Variants in TTYH1 observed in about 807,000 individuals in gnomAD.
TTYH1 encodes the protein tweety family member 1.
A neutral mutation model predicts 61.2 loss-of-function variants in TTYH1; 33 were observed. That is an observed-to-expected ratio of 0.54 (90% CI 0.41 to 0.72). TTYH1 has a LOEUF of 0.72. TTYH1 is among the 30% of genes least tolerant of loss of function. The pLI, the probability that TTYH1 is intolerant of heterozygous loss-of-function variation, is 0.00. For missense variants in TTYH1, 538 were observed against 575.8 expected (o/e 0.93, Z 0.67); for synonymous variants, 308 against 266.4 (o/e 1.16, Z -1.52).
In TTYH1 at chr19:54,431,192, G is replaced by A. The variant is rs2122937574; in HGVS notation, c.1125+1G>A. 1 of 1,611,408 alleles carries A rather than the reference G, an allele frequency of 6.2e-7. No homozygotes were observed. The highest frequency in any genetic ancestry group is 8.5e-7 in the Non-Finnish European group (1 of 1,177,722). On this transcript the variant is annotated splice_donor_variant, in intron 10 of 13. Coordinates refer to ENST00000376530, the MANE Select transcript of TTYH1 (RefSeq NM_020659.4). LOFTEE classifies it high-confidence loss of function. ...GCTACACTGCCGCAGCCTGCACAAG[G>A]TGAAGCCCCTCCCCTCCCAATTTCT...
At chr19:54,426,816 G>C (rs775480081) in intron 5 of TTYH1, 48 bp downstream of exon 5, 7 of 1,542,148 alleles carry the variant, frequency 4.5e-6, no homozygotes, top group Middle Eastern at 1.7e-4. Flanking sequence ...GCACTCTCCT[G>C]GCAGGCAGGA....
rs1336930813 is a variant in TTYH1 at position 54,434,589 on chromosome 19, G to T, written c.1126-953G>T. On this transcript the variant is annotated intron_variant, in intron 10 of 13. Transcript: ENST00000376530. The surrounding 1 kb of genome is among the most constrained non-coding windows in gnomAD (Gnocchi z 4.3). Reference sequence around the variant, plus strand: ...CTGTTTACCGAAGTTTCCTGGTACTGGGGGCAGCGCCTGGGGCAGAGCAGG... The same window carrying T: ...CTGTTTACCGAAGTTTCCTGGTACTTGGGGCAGCGCCTGGGGCAGAGCAGG... The T allele has an allele frequency of 6.6e-6, 1 of 152,492 alleles. No homozygotes were observed. Among genetic ancestry groups the T allele is most frequent in the Non-Finnish European group, 1.5e-5 (1 of 68,262 alleles). 9.4% of individuals were successfully genotyped at this position (152,492 alleles called of 1,614,324 possible).
intron 10 of TTYH1, chr19:54,433,503 T>C (rs958233561): frequency 6.9e-6 from 1 of 145,134 alleles, no homozygotes; most frequent in African/African-American, 2.6e-5. Context: ...GAGGTTGCAG[T>C]GAGCTGAGAT....
chr19:54,428,210 C>T (rs1445288667), intron 5 of TTYH1, among the ~76,000 whole-genome samples: 1 of 151,296 alleles, frequency 6.6e-6, no homozygotes, highest in Non-Finnish European at 1.5e-5. Flanking sequence ...CTGCTTCAGC[C>T]TCCCAAGTAG....
chr19:54,427,250 TC>T, intron 5 of TTYH1, among the ~76,000 whole-genome samples: 1 of 126,160 alleles, frequency 7.9e-6, no homozygotes, highest in African/African-American at 3.2e-5. Flanking sequence ...TGAGCCAAGA[TC>T]ACACACCATT....
chr19:54,435,771 C>T, intron 11 of TTYH1, 57 bp from the exon 12 acceptor site: 1 of 1,612,912 alleles, frequency 6.2e-7, no homozygotes, highest in Non-Finnish European at 8.5e-7. Context: ...GTGGGGGGTG[C>T]AGCCTCCTGA....
rs1365171529 is a variant in TTYH1 at position 54,416,764 on chromosome 19, G to GGGAC, written c.126+1087_126+1090dup. 7.7e-7 allele frequency: 1 copy of GGGAC among 1,292,526 alleles called. No homozygotes were observed. The allele number at this position is 1,292,526 out of a possible 1,614,324, so 80.1% of individuals were successfully genotyped here. ...TCGCCGCCCCCTCTCCCCACACACG[G>GGGAC]GGACCGCCGTCCCCTCGCCCACAGC... On this transcript the variant is annotated intron_variant, in intron 1 of 13. Coordinates refer to ENST00000376530, the MANE Select transcript of TTYH1 (RefSeq NM_020659.4). The surrounding 1 kb of genome is among the most constrained non-coding windows in gnomAD (Gnocchi z 7.0).
chr19:54,423,990 G>A (rs555170231), intron 4 of TTYH1, among the ~76,000 whole-genome samples: 2 of 152,084 alleles, frequency 1.3e-5, no homozygotes, highest in South Asian at 2.1e-4. Flanking sequence ...GTGAAATCCC[G>A]TCGCTACTAA....
In TTYH1 at chr19:54,415,604, C is replaced by A. The variant is rs1392290020; in HGVS notation, c.52C>A (p.Gln18Lys). The change falls in exon 1 of 14, where the codon CAG becomes AAG. Residue 18 changes from glutamine to lysine, a missense_variant. Physicochemically the swap from Gln to Lys is moderately conservative, Grantham distance 53. Around this residue, in one of 3 missense-constraint regions of TTYH1, gnomAD observed 157 missense variants for 157.0 expected, o/e 1.00. Transcript: ENST00000376530. This position sits in a 1 kb window ranked among gnomAD's most constrained non-coding sequence, Gnocchi z 5.2. ...RPSAWVHLLH[Q>K]LPRADFQLRP... Reference sequence around the variant, plus strand: ...CTCAGCTTGGGTGCATCTCCTCCACCAGCTGCCCCGCGCCGACTTCCAGCT... The same window carrying A: ...CTCAGCTTGGGTGCATCTCCTCCACAAGCTGCCCCGCGCCGACTTCCAGCT... 6.4e-7 allele frequency: 1 copy of A among 1,553,640 alleles called. No homozygotes were observed.
rs185315746 is a variant in TTYH1, at chr19:54,436,323, C to T, written c.*43-10C>T. On this transcript the variant is annotated splice_polypyrimidine_tract_variant and intron_variant, in intron 13 of 13. Transcript: ENST00000376530. The surrounding 1 kb of genome is among the most constrained non-coding windows in gnomAD (Gnocchi z 4.3). ...CTGCATCACTGCCCTGTCTCTCCCTCTCTCCGCAGTTCCTTCCCTGGCTGC... is the reference window on the plus strand; with the variant it reads ...CTGCATCACTGCCCTGTCTCTCCCTTTCTCCGCAGTTCCTTCCCTGGCTGC... 3 of 1,613,994 alleles carry T rather than the reference C, an allele frequency of 1.9e-6. No homozygotes were observed. The highest frequency in any genetic ancestry group is 2.2e-5 in the South Asian group (2 of 91,082).
At position 54,419,371 on chromosome 19, in the gene TTYH1, C is replaced by T; in HGVS notation, c.305+65C>T. ...CTCCCCAAGCTCTTTGCTGGCCTTC[C>T]TGGGGGTGTCCTCCGGGGACATGGA... is the stretch of plus-strand genomic sequence containing the variant. On this transcript the variant is annotated intron_variant, in intron 2 of 13. Coordinates refer to ENST00000376530, the MANE Select transcript of TTYH1 (RefSeq NM_020659.4). This position sits in a 1 kb window ranked among gnomAD's most constrained non-coding sequence, Gnocchi z 6.1. 1.3e-6 allele frequency: 2 copies of T among 1,501,694 alleles called. No homozygotes were observed. The highest frequency in any genetic ancestry group is 1.2e-5 in the South Asian group (1 of 85,400). The allele number at this position is 1,501,694 out of a possible 1,614,324, so 93.0% of individuals were successfully genotyped here.
chr19:54,419,552 C>T lies in TTYH1; in HGVS notation c.305+246C>T, dbSNP rs747176218. ...CAAGGGCAGCCATCTGGTGAGAAGG[C>T]GCAGGGGCAGTCAGATGGCCTGGTT... is the stretch of plus-strand genomic sequence containing the variant. On this transcript the variant is annotated intron_variant, in intron 2 of 13. Coordinates refer to ENST00000376530, the MANE Select transcript of TTYH1 (RefSeq NM_020659.4). The surrounding 1 kb of genome is among the most constrained non-coding windows in gnomAD (Gnocchi z 6.1). The T allele has an allele frequency of 4.2e-5, 29 of 693,724 alleles. No homozygotes were observed. Among genetic ancestry groups the T allele is most frequent in the Admixed American group, 2.0e-4 (10 of 49,584 alleles). 43.0% of individuals were successfully genotyped at this position (693,724 alleles called of 1,614,324 possible). A position where few individuals can be genotyped will look rare whatever the true frequency, so the allele number is the denominator to read the frequency against.
chr19:54,426,411 G>A, intron 4 of TTYH1: 1 of 544,936 alleles, frequency 1.8e-6, no homozygotes. Context: ...CAGGGCACAT[G>A]TGTGTGGCCC....
In TTYH1 at chr19:54,416,834, G is replaced by A. The variant is rs1361640542; in HGVS notation, c.126+1156G>A. On this transcript the variant is annotated intron_variant, in intron 1 of 13. Transcript: ENST00000376530. The surrounding 1 kb of genome is among the most constrained non-coding windows in gnomAD (Gnocchi z 7.0). ...CACCTCCAACAACGCCGCTCCACCG[G>A]CTCCGGCCTCGGCCCAGACTCACGC... The A allele has an allele frequency of 7.7e-7, 1 of 1,293,526 alleles. No individual in the cohort carries two copies. 80.1% of individuals were successfully genotyped at this position (1,293,526 alleles called of 1,614,324 possible).
At position 54,416,726 on chromosome 19, in the gene TTYH1, C is replaced by A. The variant is rs946343160; in HGVS notation, c.126+1048C>A. On this transcript the variant is annotated intron_variant, in intron 1 of 13. Coordinates refer to ENST00000376530, the MANE Select transcript of TTYH1 (RefSeq NM_020659.4). This position sits in a 1 kb window ranked among gnomAD's most constrained non-coding sequence, Gnocchi z 7.0. Reference sequence around the variant, plus strand: ...GCTGGCACAGCCCTGAGCAGCTCTTCCCCGCCTGCTCCTCGCCGCCCCCTC... The same window carrying A: ...GCTGGCACAGCCCTGAGCAGCTCTTACCCGCCTGCTCCTCGCCGCCCCCTC... 236 of 1,286,178 alleles carry A rather than the reference C, an allele frequency of 1.8e-4. No homozygotes were observed. Among genetic ancestry groups the A allele is most frequent in the Non-Finnish European group, 2.2e-4 (219 of 985,228 alleles). 79.7% of individuals were successfully genotyped at this position (1,286,178 alleles called of 1,614,324 possible). A position where few individuals can be genotyped will look rare whatever the true frequency, so the allele number is the denominator to read the frequency against.
rs1418081130 is a variant in TTYH1 at position 54,434,311 on chromosome 19, C to A, written c.1126-1231C>A. On this transcript the variant is annotated intron_variant, in intron 10 of 13. Transcript: ENST00000376530. The surrounding 1 kb of genome is among the most constrained non-coding windows in gnomAD (Gnocchi z 4.3). ...TCAAGTTCTTCCTCTGCTTAAAACG[C>A]TCAGTGATTCCCCTCAGACATGGAT... 1 of 152,418 alleles carries A rather than the reference C, an allele frequency of 6.6e-6. No individual in the cohort carries two copies. The highest frequency in any genetic ancestry group is 1.5e-5 in the Non-Finnish European group (1 of 68,210). 9.4% of individuals were successfully genotyped at this position (152,418 alleles called of 1,614,324 possible).
rs1372663980 is a variant in TTYH1, at chr19:54,421,447, C to A, written c.417+59C>A. ...CACACCTGGACGGGCTCCCCACACC[C>A]AAGGACAAAGGGATCCAAACTCAGA... On this transcript the variant is annotated intron_variant, in intron 3 of 13. Transcript: ENST00000376530. The surrounding 1 kb of genome is among the most constrained non-coding windows in gnomAD (Gnocchi z 4.8). 1.7e-6 allele frequency: 2 copies of A among 1,190,278 alleles called. No homozygotes were observed. 73.7% of individuals were successfully genotyped at this position (1,190,278 alleles called of 1,614,324 possible). A position where few individuals can be genotyped will look rare whatever the true frequency, so the allele number is the denominator to read the frequency against.
chr19:54,426,601 T>G, intron 4 of TTYH1, 72 bp from the exon 5 acceptor site: 3 of 1,185,538 alleles, frequency 2.5e-6, no homozygotes, highest in Admixed American at 3.4e-5. Flanking sequence ...TGAATGCTGG[T>G]GGAGGGTTGC....
intron 1 of TTYH1, among the ~76,000 whole-genome samples, chr19:54,418,028 T>C (rs914375321): frequency 7.7e-6 from 1 of 129,956 alleles, no homozygotes; most frequent in Admixed American, 7.5e-5. Context: ...ACACACACAC[T>C]GTGCCACTGT....
Sources: allele counts gnomAD v4.1 joint callset (sites outside exome capture counted in the v4.1 genomes callset), GRCh38; gene constraint gnomAD v4.1.1; regional missense constraint gnomAD v4.1.1; non-coding constraint Gnocchi (gnomAD v3.1); transcripts MANE v1.5; gene names NCBI Gene and HGNC (gene_info 2026-07-23, HGNC 2026-07-21).